TENM3: variants seen among roughly 807,000 people sequenced by gnomAD.
TENM3 encodes teneurin-3.
TENM3 carries 63 observed loss-of-function variants against 255.1 expected under a neutral mutation model. The observed-to-expected ratio is 0.25, with a 90% CI of 0.20 to 0.30. The LOEUF is 0.30. TENM3 is among the 10% of genes least tolerant of loss of function. The pLI is 1.00. For synonymous variants in TENM3, 1,306 were observed against 1,322.3 expected (o/e 0.99, Z 0.27); for missense variants, 2,929 against 3,461.1 (o/e 0.85, Z 3.86).
chr4:181,497,438 G>A, the TENM3 span, among the ~76,000 whole-genome samples: 1 of 152,122 alleles, frequency 6.6e-6, no homozygotes, highest in Non-Finnish European at 1.5e-5. Context: ...GGTTGGAAGT[G>A]CAGGTAGGAG....
chr4:182,458,289 C>T (rs979237007), intron 3 of TENM3, among the ~76,000 whole-genome samples: 1 of 152,052 alleles, frequency 6.6e-6, no homozygotes, highest in Admixed American at 6.6e-5. Flanking sequence ...TAATTGATGG[C>T]TAATGTTTTT....
intron 1 of TENM3, among the ~76,000 whole-genome samples, chr4:182,160,853 A>G (rs1477501680): frequency 6.6e-6 from 1 of 152,238 alleles, no homozygotes. Flanking sequence ...GAAATGATAA[A>G]TATTTGAAGT....
chr4:181,642,978 G>T, the TENM3 span, among the ~76,000 whole-genome samples: 1 of 152,084 alleles, frequency 6.6e-6, no homozygotes, highest in South Asian at 2.1e-4. Context: ...GGGTTGTCTT[G>T]GCTATGTGGG....
intron 1 of TENM3, among the ~76,000 whole-genome samples, chr4:182,159,437 A>G (rs1750940761): frequency 8.2e-6 from 1 of 122,036 alleles, no homozygotes; most frequent in African/African-American, 3.5e-5. Flanking sequence ...AGCAATGGAT[A>G]GTGTGTATGA....
intron 3 of TENM3, among the ~76,000 whole-genome samples, chr4:182,389,756 G>T (rs1975805): frequency 0.9 from 133,309 of 147,480 alleles, 61,630 homozygotes; most frequent in Non-Finnish European, 1. Context: ...CGCGATCTCG[G>T]CTCACTGCAA....
chr4:182,478,965 G>A (rs939566552), intron 3 of TENM3, among the ~76,000 whole-genome samples: 1 of 151,882 alleles, frequency 6.6e-6, no homozygotes, highest in Admixed American at 6.6e-5. Context: ...TTATTGGATA[G>A]ATTCTTATTT....
rs540912562 is a variant in TENM3 at position 182,166,214 on chromosome 4, C to A, written c.-76+21460C>A. On this transcript the variant is annotated intron_variant, in intron 1 of 2. Coordinates refer to the TENM3 transcript ENST00000512480. ...CTCAGAGACATCGTCAAAGAGCATG[C>A]TTTAAAACTCTGTTCAGGCACATTT... Among the ~76,000 whole-genome samples the A allele has an allele frequency of 1.2e-3, 190 of 152,348 alleles. 1 individual carries two copies. The highest frequency in any genetic ancestry group is 1.6e-3 in the Non-Finnish European group (106 of 68,026).
At chr4:181,749,327 A>AT in the TENM3 span, among the ~76,000 whole-genome samples, 1 of 152,074 alleles carries the variant, frequency 6.6e-6, no homozygotes. Flanking sequence ...GGGTGGGGCA[A>AT]TTTTACAGAT....
At chr4:182,623,566 G>C (rs2052609611) in intron 4 of TENM3, among the ~76,000 whole-genome samples, 1 of 151,942 alleles carries the variant, frequency 6.6e-6, no homozygotes, top group Non-Finnish European at 1.5e-5. Flanking sequence ...TCCTGAGCTT[G>C]TGATCCACCC....
chr4:181,817,196 G>A, the TENM3 span, among the ~76,000 whole-genome samples: 2 of 152,138 alleles, frequency 1.3e-5, no homozygotes, highest in African/African-American at 4.8e-5. Context: ...TGAATATTGA[G>A]CACCTTCTAC....
Position 182,195,105 on chromosome 4 carries a change from T to G in TENM3, c.-76+50351T>G, listed in dbSNP as rs577298197. On this transcript the variant is annotated intron_variant, in intron 1 of 2. Transcript: ENST00000512480. ...GAGGACTTCTTTATAATAGTTCTAT[T>G]CAAGCAAGCCATGTAGGAGAAATGT... 1.2e-3 allele frequency among the ~76,000 whole-genome samples: 184 copies of G among 151,528 alleles called. 1 individual carries two copies. The highest frequency in any genetic ancestry group is 4.4e-3 in the African/African-American group (180 of 41,124).
chr4:182,650,691 T>A (rs182564837), intron 5 of TENM3, among the ~76,000 whole-genome samples: 1 of 149,254 alleles, frequency 6.7e-6, no homozygotes, highest in East Asian at 2.1e-4. Context: ...AAATTATGCA[T>A]AATGAGAGTC....
At chr4:181,779,862 C>A in the TENM3 span, among the ~76,000 whole-genome samples, 1 of 152,092 alleles carries the variant, frequency 6.6e-6, no homozygotes, top group African/African-American at 2.4e-5. Flanking sequence ...TGTTCAATTC[C>A]CACCTATGAG....
chr4:182,562,930 C>G (rs752370589), intron 3 of TENM3, among the ~76,000 whole-genome samples: 6 of 152,114 alleles, frequency 3.9e-5, no homozygotes, highest in Admixed American at 6.5e-5. Flanking sequence ...AGCATAAGTC[C>G]AAACTTTTGA....
intron 3 of TENM3, among the ~76,000 whole-genome samples, chr4:182,530,549 G>A (rs1301310858): frequency 2.6e-5 from 4 of 152,126 alleles, no homozygotes; most frequent in Non-Finnish European, 5.9e-5. Context: ...GGTATTTATT[G>A]TGGGGCTGTG....
At chr4:182,114,015 AT>A in the TENM3 span, among the ~76,000 whole-genome samples, 1 of 152,164 alleles carries the variant, frequency 6.6e-6, no homozygotes, top group East Asian at 1.9e-4. Context: ...TTTGCCCTTT[AT>A]AGTAACTGAA....
intron 6 of TENM3, among the ~76,000 whole-genome samples, chr4:182,667,048 G>A (rs766224270): frequency 5.9e-5 from 9 of 152,164 alleles, no homozygotes; most frequent in Non-Finnish European, 1.0e-4. Flanking sequence ...GGAACAAAAT[G>A]TGCAATAGGT....
intron 19 of TENM3, among the ~76,000 whole-genome samples, chr4:182,746,744 G>A (rs1762037681): frequency 6.6e-6 from 1 of 152,154 alleles, no homozygotes; most frequent in Non-Finnish European, 1.5e-5. Context: ...AGGATGGTTA[G>A]CAGTGAAGAA....
chr4:181,617,915 G>C, the TENM3 span, among the ~76,000 whole-genome samples: 1 of 152,162 alleles, frequency 6.6e-6, no homozygotes, highest in African/African-American at 2.4e-5. Context: ...AACAAGGATT[G>C]CATGTTTCTG....
Sources: gnomAD v4.1 joint callset for allele counts (sites outside exome capture counted in the v4.1 genomes callset) on GRCh38, gnomAD v4.1.1 for gene constraint, MANE v1.5 for transcripts, NCBI Gene and HGNC (gene_info 2026-07-23, HGNC 2026-07-21) for gene names.